ICE1: variants seen among roughly 807,000 people sequenced by gnomAD.
The protein encoded by ICE1 is little elongation complex subunit 1.
A neutral mutation model predicts 192.7 loss-of-function variants in ICE1; 64 were observed. The ratio of observed to expected loss-of-function variants is 0.33; its 90% CI spans 0.27 to 0.41. The LOEUF is 0.41. Among genes scored for constraint, ICE1 ranks in the 10% least tolerant of loss-of-function variants. The probability of loss-of-function intolerance (pLI) is 1.00; values close to 1 mark genes in which losing one functional copy is unlikely to be tolerated. For synonymous variants in ICE1, 1,010 were observed against 984.5 expected, an observed-to-expected ratio of 1.03 and a Z score of -0.49; for missense variants, 2,708 against 2,696.0, an observed-to-expected ratio of 1.00 and a Z score of -0.10.
At position 5,462,723 on chromosome 5, in the gene ICE1, A is replaced by G. The variant is rs1483696302; in HGVS notation, c.3389A>G (p.Gln1130Arg). Reference sequence around the variant, plus strand: ...CAGCAAGATGCTCCTGATGACTCACAGAAAAATTTAGGAGACACAGATGCT... The same window carrying G: ...CAGCAAGATGCTCCTGATGACTCACGGAAAAATTTAGGAGACACAGATGCT... ...SEQQDAPDDS[Q>R]KNLGDTDAAV... is the part of the protein sequence containing the mutation. The change falls in exon 13 of 19, where the codon CAG becomes CGG. Residue 1130 changes from glutamine (Q) to arginine (R), a missense_variant. This residue lies in a region of ICE1 where 2,366 missense variants were observed against 2,276.6 expected (regional missense o/e 1.04). Transcript: ENST00000296564. 19 of 1,613,874 alleles carry G rather than the reference A, an allele frequency of 1.2e-5. No homozygotes were observed. The highest frequency in any genetic ancestry group is 1.4e-5 in the Non-Finnish European group (16 of 1,179,802).
At position 5,464,899 on chromosome 5, in the gene ICE1, A is replaced by G. The variant is rs1738936958; in HGVS notation, c.5565A>G (p.Pro1855=). Residue 1855 remains proline (P), a synonymous_variant, in exon 13 of 19, where the codon CCA becomes CCG. Coordinates refer to ENST00000296564, the MANE Select transcript of ICE1 (RefSeq NM_015325.3). This position sits in a 1 kb window ranked among gnomAD's most constrained non-coding sequence, Gnocchi z 4.0. ...AKRLRLDTGS[P]EPETRGVTAE... Reference sequence around the variant, plus strand: ...GACTGCGCCTGGACACTGGGTCCCCAGAACCAGAAACCAGGGGAGTCACTG... The same window carrying G: ...GACTGCGCCTGGACACTGGGTCCCCGGAACCAGAAACCAGGGGAGTCACTG... The G allele has an allele frequency of 1.9e-6, 3 of 1,613,366 alleles. No individual in the cohort carries two copies. Among genetic ancestry groups the G allele is most frequent in the African/African-American group, 2.7e-5 (2 of 74,902 alleles).
In ICE1 at chr5:5,461,297, A is replaced by G. The variant is rs1738769231; in HGVS notation, c.1963A>G (p.Asn655Asp). ...GTCTTCTTCTGGGTTAGACTGTGGTAATGATACAGATATTACTACTAAAGT... is the reference window on the plus strand; with the variant it reads ...GTCTTCTTCTGGGTTAGACTGTGGTGATGATACAGATATTACTACTAAAGT... ...PQSSSGLDCG[N>D]DTDITTKVFS... The change falls in exon 13 of 19, where the codon AAT becomes GAT. Residue 655 changes from asparagine (N) to aspartate (D), a missense_variant. Asn to Asp is a conservative substitution (Grantham distance 23). Around this residue, in one of 2 missense-constraint regions of ICE1, gnomAD observed 2,366 missense variants for 2,276.6 expected, o/e 1.04. Coordinates refer to ENST00000296564, the MANE Select transcript of ICE1 (RefSeq NM_015325.3). The G allele has an allele frequency of 6.2e-7, 1 of 1,613,702 alleles. No individual in the cohort carries two copies.
chr5:5,446,057 G>A (rs112969511), intron 7 of ICE1, among the ~76,000 whole-genome samples: 2 of 152,060 alleles, frequency 1.3e-5, no homozygotes, highest in Non-Finnish European at 2.9e-5. Flanking sequence ...TCACTCTGTT[G>A]CCTAGGCTGG....
At chr5:5,442,323 T>C (rs902115785) in intron 5 of ICE1, among the ~76,000 whole-genome samples, 1 of 152,244 alleles carries the variant, frequency 6.6e-6, no homozygotes, top group Non-Finnish European at 1.5e-5. Flanking sequence ...CAAATTGTGC[T>C]ATTTTAGTGG....
chr5:5,422,924 GGGCGAGA>G lies in ICE1; in HGVS notation c.10_16del (p.Gly4ProfsTer25). On this transcript the variant is annotated frameshift_variant, in exon 1 of 19. Coordinates refer to ENST00000296564, the MANE Select transcript of ICE1 (RefSeq NM_015325.3). LOFTEE classifies it high-confidence loss of function. Reference sequence around the variant, plus strand: ...GGCCCGGCGGCGGCACCATGATGCCGGGCGAGACCCATTCGGCGGCGCCCGGGACGGC... The same window carrying G: ...GGCCCGGCGGCGGCACCATGATGCCGCCCATTCGGCGGCGCCCGGGACGGC... The G allele has an allele frequency of 7.0e-7, 1 of 1,430,524 alleles. No homozygotes were observed. Among genetic ancestry groups the G allele is most frequent in the Non-Finnish European group, 9.2e-7 (1 of 1,092,124 alleles). The allele number at this position is 1,430,524 out of a possible 1,614,324, so 88.6% of individuals were successfully genotyped here.
chr5:5,443,109 A>G, intron 5 of ICE1, 59 bp from the exon 6 acceptor site: 1 of 964,588 alleles, frequency 1.0e-6, no homozygotes, highest in Admixed American at 2.9e-5. Context: ...AAAGCAAGTT[A>G]TGACCAATGG....
Position 5,441,129 on chromosome 5 carries a change from A to G in ICE1, c.215A>G (p.His72Arg). 6.4e-7 allele frequency: 1 copy of G among 1,552,190 alleles called. No individual in the cohort carries two copies. Among genetic ancestry groups the G allele is most frequent in the South Asian group, 1.2e-5 (1 of 84,254 alleles). The stretch of plus-strand genomic sequence containing the variant: ...GTCTTTAGAGAGAATAGTAATCTGC[A>G]TCACCAAGTGGAAGAGATGCTTCAA... ...QFARRENSNL[H>R]HQVEEMLQKI... The change falls in exon 5 of 19, where the codon CAT (histidine) becomes CGT (arginine). Residue 72 changes from histidine to arginine, a missense_variant. Around this residue, in one of 2 missense-constraint regions of ICE1, gnomAD observed 2,366 missense variants for 2,276.6 expected, o/e 1.04. Transcript: ENST00000296564.
intron 15 of ICE1, 61 bp downstream of exon 15, chr5:5,469,049 ATTTTGTT>A: frequency 3.4e-6 from 4 of 1,175,374 alleles, no homozygotes; most frequent in Non-Finnish European, 3.4e-6. Context: ...AATGTTAATT[ATTTTGTT>A]GTGTATTTAG....
Position 5,465,011 on chromosome 5 carries a change from G to C in ICE1, c.5677G>C (p.Ala1893Pro), listed in dbSNP as rs1320431396. The change falls in exon 13 of 19, where the codon GCC (alanine) becomes CCC (proline). Residue 1893 changes from alanine (A) to proline (P), a missense_variant. Ala to Pro is a conservative substitution (Grantham distance 27). This residue lies in a region of ICE1 where 2,366 missense variants were observed against 2,276.6 expected (regional missense o/e 1.04). Transcript: ENST00000296564. ...TGAGGAAAGAAGTTGTTCTAGTCCAGCCGTCAGTGCAGTTTCACAGTTGCC... is the reference window on the plus strand; with the variant it reads ...TGAGGAAAGAAGTTGTTCTAGTCCACCCGTCAGTGCAGTTTCACAGTTGCC... The part of the protein sequence containing the change: ...TNEERSCSSP[A>P]VSAVSQLPLS... The C allele has an allele frequency of 2.5e-6, 4 of 1,613,804 alleles. No individual in the cohort carries two copies. The highest frequency in any genetic ancestry group is 1.7e-5 in the Admixed American group (1 of 60,000).
chr5:5,465,272 C>G (rs1738951060), intron 13 of ICE1, 46 bp downstream of exon 13: 1 of 1,348,166 alleles, frequency 7.4e-7, no homozygotes, highest in African/African-American at 1.5e-5. Context: ...TACATGTCCT[C>G]AAAGACAGAT....
chr5:5,435,673 GT>G (rs371635237), intron 1 of ICE1, among the ~76,000 whole-genome samples: 1,331 of 59,224 alleles, frequency 0.022, 34 homozygotes, highest in South Asian at 0.046. Context: ...TTTTTTTTTT[GT>G]TTTGTTTTTG....
In ICE1 at chr5:5,460,944, A is replaced by G. The variant is rs1353041207; in HGVS notation, c.1610A>G (p.Lys537Arg). The G allele has an allele frequency of 6.2e-7, 1 of 1,613,906 alleles. No individual in the cohort carries two copies. The highest frequency in any genetic ancestry group is 8.5e-7 in the Non-Finnish European group (1 of 1,179,906). The change falls in exon 13 of 19, where the codon AAA becomes AGA. Residue 537 changes from lysine (K) to arginine (R), a missense_variant. Coordinates refer to ENST00000296564, the MANE Select transcript of ICE1 (RefSeq NM_015325.3). ...GAGTTGTGTTCTTCTCCCCTTGGCAAAAGGCCATTAAATGAACTCATGGAA... is the reference window on the plus strand; with the variant it reads ...GAGTTGTGTTCTTCTCCCCTTGGCAGAAGGCCATTAAATGAACTCATGGAA... ...KSELCSSPLGKRPLNELMESE... is the reference protein window; with the variant it reads ...KSELCSSPLGRRPLNELMESE...
intron 12 of ICE1, among the ~76,000 whole-genome samples, chr5:5,460,147 A>G (rs971667260): frequency 5.3e-5 from 8 of 152,170 alleles, no homozygotes; most frequent in African/African-American, 1.9e-4. Context: ...TTGAAAGTTA[A>G]GAGAAACATA....
intron 16 of ICE1, among the ~76,000 whole-genome samples, 159 bp from the exon 17 acceptor site, chr5:5,475,814 G>C (rs1280891059): frequency 6.6e-6 from 1 of 152,226 alleles, no homozygotes; most frequent in African/African-American, 2.4e-5. Flanking sequence ...TATGCTGTTG[G>C]AGAAGATGTG....
chr5:5,437,298 A>G (rs538292767), intron 3 of ICE1, 184 bp downstream of exon 3: 1 of 481,810 alleles, frequency 2.1e-6, no homozygotes, highest in Admixed American at 3.8e-5. Flanking sequence ...ATGTTTAATG[A>G]TGAGTTTTAA....
In ICE1 at chr5:5,463,251, G is replaced by T. The variant is rs748897769; in HGVS notation, c.3917G>T (p.Arg1306Leu). ...TENLKEKSPF[R>L]ETTGSSSHAS... ...AATTTAAAAGAGAAAAGTCCATTTCGGGAAACGACTGGCTCCTCATCACAT... is the reference window on the plus strand; with the variant it reads ...AATTTAAAAGAGAAAAGTCCATTTCTGGAAACGACTGGCTCCTCATCACAT... The change falls in exon 13 of 19, where the codon CGG (arginine) becomes CTG (leucine). Residue 1306 changes from arginine to leucine, a missense_variant. This residue lies in a region of ICE1 where 2,366 missense variants were observed against 2,276.6 expected (regional missense o/e 1.04). Coordinates refer to ENST00000296564, the MANE Select transcript of ICE1 (RefSeq NM_015325.3). 2.0e-5 allele frequency: 33 copies of T among 1,612,784 alleles called. No individual in the cohort carries two copies. The African/African-American group carries it at 2.7e-4, about 13-fold the overall frequency.
intron 13 of ICE1, 144 bp from the exon 14 acceptor site, chr5:5,466,190 C>CT: frequency 4.7e-6 from 3 of 641,126 alleles, no homozygotes; most frequent in Non-Finnish European, 4.9e-6. Flanking sequence ...TAAGTTCTTA[C>CT]CAGTTACTAT....
At chr5:5,453,705 T>C (rs916324482) in intron 10 of ICE1, among the ~76,000 whole-genome samples, 1 of 152,224 alleles carries the variant, frequency 6.6e-6, no homozygotes, top group African/African-American at 2.4e-5. Flanking sequence ...ATAGTTATAT[T>C]TTCATAAATA....
At position 5,452,148 on chromosome 5, in the gene ICE1, C is replaced by G. The variant is rs189371649; in HGVS notation, c.605-2404C>G. On this transcript the variant is annotated intron_variant, in intron 10 of 18. Transcript: ENST00000296564. Reference sequence around the variant, plus strand: ...TACTGTCAAAAACAAGGCAAGCATGCTTTTTGTTTGTTCCATTTTTTTTTT... The same window carrying G: ...TACTGTCAAAAACAAGGCAAGCATGGTTTTTGTTTGTTCCATTTTTTTTTT... 2.7e-4 allele frequency among the ~76,000 whole-genome samples: 39 copies of G among 146,666 alleles called. No homozygotes were observed. In the East Asian group the frequency reaches 7.3e-3, roughly 28 times the overall value.
Sources: allele counts gnomAD v4.1 joint callset (sites outside exome capture counted in the v4.1 genomes callset), GRCh38; gene constraint gnomAD v4.1.1; regional missense constraint gnomAD v4.1.1; non-coding constraint Gnocchi (gnomAD v3.1); transcripts MANE v1.5; gene names NCBI Gene and HGNC (gene_info 2026-07-23, HGNC 2026-07-21).